Variants in B3GNT6 observed in about 807,000 individuals in gnomAD.
The protein encoded by B3GNT6 is UDP-GlcNAc:betaGal beta-1,3-N-acetylglucosaminyltransferase 6.
For synonymous variants in B3GNT6, 300 were observed against 270.0 expected, an observed-to-expected ratio of 1.11 and a Z score of -1.09; for missense variants, 624 against 568.6, an observed-to-expected ratio of 1.10 and a Z score of -0.99.
Position 77,039,918 on chromosome 11 carries a change from G to C in B3GNT6, c.367G>C (p.Val123Leu). The C allele has an allele frequency of 1.9e-6, 3 of 1,592,968 alleles. No individual in the cohort carries two copies. Among genetic ancestry groups the C allele is most frequent in the Non-Finnish European group, 2.5e-6 (3 of 1,177,032 alleles). The change falls in exon 2 of 2, where the codon GTG becomes CTG. Residue 123 changes from valine (V) to leucine (L), a missense_variant. Transcript: ENST00000622824. The stretch of plus-strand genomic sequence containing the variant: ...CCGAGGCGTGTTCCTGCTCCTGGCG[G>C]TGAAGTCGGCGCCTGAGCACTACGA... ...GGRGVFLLLA[V>L]KSAPEHYERR...
At chr11:77,037,629 G>C (rs1949643164) in intron 1 of B3GNT6, among the ~76,000 whole-genome samples, 1 of 151,898 alleles carries the variant, frequency 6.6e-6, no homozygotes, top group Non-Finnish European at 1.5e-5. Flanking sequence ...TTATTAGAGA[G>C]GTCAGGTGCG....
chr11:77,040,229 C>T lies in B3GNT6; in HGVS notation c.678C>T (p.Phe226=). ...TGCTCAGCGGCGACGACGACGTGTT[C>T]GTGCACACCGCCAACGTAGTCCGCT... is the stretch of plus-strand genomic sequence containing the variant. ...RFLLSGDDDV[F]VHTANVVRFL... is the part of the protein sequence containing the mutation. Residue 226 remains phenylalanine (F), a synonymous_variant, in exon 2 of 2, where the codon TTC becomes TTT. Transcript: ENST00000622824. The T allele has an allele frequency of 6.3e-7, 1 of 1,599,056 alleles. No individual in the cohort carries two copies. The highest frequency in any genetic ancestry group is 8.5e-7 in the Non-Finnish European group (1 of 1,179,460).
intron 1 of B3GNT6, among the ~76,000 whole-genome samples, chr11:77,038,858 C>T (rs1408690738): frequency 3.3e-5 from 5 of 152,156 alleles, no homozygotes; most frequent in African/African-American, 1.2e-4. Flanking sequence ...CCGTGTCACC[C>T]AGTCACTGGC....
intron 1 of B3GNT6, among the ~76,000 whole-genome samples, chr11:77,038,528 ATGGTGT>A (rs1949657579): frequency 6.6e-6 from 1 of 152,096 alleles, no homozygotes; most frequent in Non-Finnish European, 1.5e-5. Flanking sequence ...GTGAGTCATG[ATGGTGT>A]CACTGCACTC....
chr11:77,040,507 C>A lies in B3GNT6; in HGVS notation c.956C>A (p.Ala319Asp), dbSNP rs1298243667. The A allele has an allele frequency of 1.9e-6, 3 of 1,547,584 alleles. No individual in the cohort carries two copies. In the African/African-American group the frequency reaches 4.1e-5, roughly 21 times the overall value. ...DAYMGMCLER[A>D]GLAPSGHEGI... ...TACATGGGCATGTGTCTGGAGCGCG[C>A]CGGCCTGGCGCCCAGCGGCCACGAG... Residue 319 changes from alanine to aspartate, a missense_variant, in exon 2 of 2, where the codon GCC (alanine) becomes GAC (aspartate). By Grantham distance (126) the Ala-to-Asp change is moderately radical (BLOSUM62 -2). Transcript: ENST00000622824.
At position 77,040,530 on chromosome 11, in the gene B3GNT6, G is replaced by A. The variant is rs781804770; in HGVS notation, c.979G>A (p.Glu327Lys). 21 of 1,565,754 alleles carry A rather than the reference G, an allele frequency of 1.3e-5. No homozygotes were observed. Among genetic ancestry groups the A allele is most frequent in the Non-Finnish European group, 1.5e-5 (18 of 1,163,134 alleles). Residue 327 changes from glutamate to lysine, a missense_variant, in exon 2 of 2, where the codon GAG becomes AAG. Transcript: ENST00000622824. ...CGCCGGCCTGGCGCCCAGCGGCCAC[G>A]AGGGCATCCGACCCTTCGGCGTGCA... The part of the protein sequence containing the change: ...ERAGLAPSGH[E>K]GIRPFGVQLP...
intron 1 of B3GNT6, among the ~76,000 whole-genome samples, chr11:77,036,561 C>T (rs1949634549): frequency 6.6e-6 from 1 of 152,208 alleles, no homozygotes; most frequent in Non-Finnish European, 1.5e-5. Flanking sequence ...TTTATCGGCA[C>T]CTTGATAATC....
At position 77,040,294 on chromosome 11, in the gene B3GNT6, G is replaced by C. The variant is rs782256480; in HGVS notation, c.743G>C (p.Gly248Ala). ...CCACCCGGCCGCCACCTGTTCTCCG[G>C]CCAGCTCATGGAGGGCTCCGTGCCC... ...AQPPGRHLFSGQLMEGSVPIR... is the reference protein window; with the variant it reads ...AQPPGRHLFSAQLMEGSVPIR... Residue 248 changes from glycine to alanine, a missense_variant, in exon 2 of 2, where the codon GGC becomes GCC. Physicochemically the swap from Gly to Ala is moderately conservative, Grantham distance 60 (BLOSUM62 0). Transcript: ENST00000622824. The C allele has an allele frequency of 3.8e-6, 6 of 1,589,010 alleles. No individual in the cohort carries two copies. The highest frequency in any genetic ancestry group is 4.5e-5 in the East Asian group (2 of 44,224).
Position 77,040,334 on chromosome 11 carries a change from G to T in B3GNT6, c.783G>T (p.Trp261Cys). The T allele has an allele frequency of 6.4e-7, 1 of 1,560,358 alleles. No homozygotes were observed. Among genetic ancestry groups the T allele is most frequent in the Non-Finnish European group, 8.6e-7 (1 of 1,160,750 alleles). ...GCTCCGTGCCCATCCGCGACAGCTGGAGCAAGTACTTCGTGCCGCCGCAGC... is the reference window on the plus strand; with the variant it reads ...GCTCCGTGCCCATCCGCGACAGCTGTAGCAAGTACTTCGTGCCGCCGCAGC... ...MEGSVPIRDSWSKYFVPPQLF... is the reference protein window; with the variant it reads ...MEGSVPIRDSCSKYFVPPQLF... The change falls in exon 2 of 2, where the codon TGG (tryptophan) becomes TGT (cysteine). Residue 261 changes from tryptophan (W) to cysteine (C), a missense_variant. Transcript: ENST00000622824.
intron 1 of B3GNT6, among the ~76,000 whole-genome samples, chr11:77,038,115 AGG>A (rs1949652480): frequency 4.3e-5 from 1 of 23,416 alleles, no homozygotes; most frequent in Non-Finnish European, 7.6e-5. Flanking sequence ...GAGAGAAGGG[AGG>A]ATAGAGGAGG....
chr11:77,039,491 T>A (rs1321728542), intron 1 of B3GNT6, 61 bp from the exon 2 acceptor site: 1 of 1,521,008 alleles, frequency 6.6e-7, no homozygotes, highest in Admixed American at 2.1e-5. Context: ...GGGGTACGGG[T>A]GGTGTCCTGC....
rs774249444 is a variant in B3GNT6, at chr11:77,040,008, C to T, written c.457C>T (p.Arg153Cys). The part of the protein sequence containing the change: ...ERSYGGRPVR[R>C]LFLLGTPGPE... ...CAGCTACGGCGGGCGGCCAGTGCGC[C>T]GCCTCTTTCTATTGGGCACCCCGGG... Residue 153 changes from arginine to cysteine, a missense_variant, in exon 2 of 2, where the codon CGC (arginine) becomes TGC (cysteine). Arg to Cys is a radical substitution (Grantham distance 180). Coordinates refer to ENST00000622824, the MANE Select transcript of B3GNT6 (RefSeq NM_138706.5). 324 of 1,576,472 alleles carry T rather than the reference C, an allele frequency of 2.1e-4. No homozygotes were observed. The highest frequency in any genetic ancestry group is 3.4e-4 in the Middle Eastern group (2 of 5,828).
At position 77,040,371 on chromosome 11, in the gene B3GNT6, T is replaced by G. The variant is rs782792955; in HGVS notation, c.820T>G (p.Ser274Ala). ...CGTGCCGCCGCAGCTCTTCCCCGGG[T>G]CCGCTTACCCGGTGTACTGCAGCGG... ...YFVPPQLFPG[S>A]AYPVYCSGGG... is the part of the protein sequence containing the mutation. Residue 274 changes from serine (S) to alanine (A), a missense_variant, in exon 2 of 2, where the codon TCC becomes GCC. Ser to Ala is a moderately conservative substitution (Grantham distance 99, BLOSUM62 1). Coordinates refer to ENST00000622824, the MANE Select transcript of B3GNT6 (RefSeq NM_138706.5). 8.5e-6 allele frequency: 13 copies of G among 1,535,082 alleles called. No homozygotes were observed. The highest frequency in any genetic ancestry group is 1.2e-5 in the South Asian group (1 of 84,114).
chr11:77,036,787 T>A (rs1949635910), intron 1 of B3GNT6, among the ~76,000 whole-genome samples: 2 of 152,194 alleles, frequency 1.3e-5, no homozygotes. Context: ...CCTCCCACCC[T>A]ATGCAGGGTG....
rs973192119 is a variant in B3GNT6 at position 77,040,883 on chromosome 11, G to A, written c.*177G>A. ...TGCCTACATCCTGGCTCCATCTCCC[G>A]AAGTTTCGATTTGATTAGTCTGGGG... On this transcript the variant is annotated 3_prime_UTR_variant, in exon 2 of 2. Transcript: ENST00000622824. 1.3e-5 allele frequency: 14 copies of A among 1,113,072 alleles called. No homozygotes were observed. The highest frequency in any genetic ancestry group is 1.7e-5 in the Non-Finnish European group (14 of 828,540). The allele number at this position is 1,113,072 out of a possible 1,614,324, so 68.9% of individuals were successfully genotyped here.
At position 77,039,734 on chromosome 11, in the gene B3GNT6, C is replaced by G. The variant is rs1357833778; in HGVS notation, c.183C>G (p.Pro61=). 1 of 1,602,914 alleles carries G rather than the reference C, an allele frequency of 6.2e-7. No individual in the cohort carries two copies. Residue 61 remains proline (P), a synonymous_variant, in exon 2 of 2, where the codon CCC becomes CCG. Transcript: ENST00000622824. ...PTDAPAADEP[P]SELVPGPPCV... is the part of the protein sequence containing the mutation. ...ACGCTCCCGCGGCTGACGAGCCGCC[C>G]TCGGAGCTCGTCCCCGGGCCCCCGT... is the stretch of plus-strand genomic sequence containing the variant.
chr11:77,040,734 C>T lies in B3GNT6; in HGVS notation c.*28C>T, dbSNP rs782225708. ...CCAGTTGGGCGGCTTCAGCCCCGGG[C>T]CTCCAACCATGTCCATGCTGAGAAG... On this transcript the variant is annotated 3_prime_UTR_variant, in exon 2 of 2. Coordinates refer to ENST00000622824, the MANE Select transcript of B3GNT6 (RefSeq NM_138706.5). 36 of 1,536,820 alleles carry T rather than the reference C, an allele frequency of 2.3e-5. No homozygotes were observed. In the African/African-American group the frequency reaches 4.5e-4, roughly 19 times the overall value.
chr11:77,040,648 T>C lies in B3GNT6; in HGVS notation c.1097T>C (p.Met366Thr). The C allele has an allele frequency of 6.2e-7, 1 of 1,601,296 alleles. No homozygotes were observed. The highest frequency in any genetic ancestry group is 8.5e-7 in the Non-Finnish European group (1 of 1,179,252). The change falls in exon 2 of 2, where the codon ATG (methionine) becomes ACG (threonine). Residue 366 changes from methionine to threonine, a missense_variant. Met to Thr is a moderately conservative substitution (Grantham distance 81). Coordinates refer to ENST00000622824, the MANE Select transcript of B3GNT6 (RefSeq NM_138706.5). ...TTCGCGCCCTACGAGATGCTGCTCA[T>C]GTGGAAGGCGCTGCACAGCCCCGCG... ...HRFAPYEMLLMWKALHSPALS... is the reference protein window; with the variant it reads ...HRFAPYEMLLTWKALHSPALS...
Position 77,040,052 on chromosome 11 carries a change from CGCGGAGCGGCTG to C in B3GNT6, c.509_520del (p.Arg170_Glu173del). The stretch of plus-strand genomic sequence containing the variant: ...CCCCGGGCCCCGAGGACGAGGCGCG[CGCGGAGCGGCTG>C]GCGGAGCTGGTGGCGCTGGAGGCGC... On this transcript the variant is annotated inframe_deletion, in exon 2 of 2. Transcript: ENST00000622824. The C allele has an allele frequency of 1.9e-6, 3 of 1,582,754 alleles. No homozygotes were observed. The highest frequency in any genetic ancestry group is 2.6e-6 in the Non-Finnish European group (3 of 1,173,572).
Sources: gnomAD v4.1 joint callset for allele counts (sites outside exome capture counted in the v4.1 genomes callset) on GRCh38, gnomAD v4.1.1 for gene constraint, MANE v1.5 for transcripts, NCBI Gene and HGNC (gene_info 2026-07-23, HGNC 2026-07-21) for gene names.